The following ACAT2 variants were observed in gnomAD, a reference collection of about 807,000 sequenced individuals.
The protein encoded by ACAT2 is acetyl-CoA acetyltransferase 2, also known as acetyl-CoA acetyltransferase, cytosolic.
ACAT2 carries 26 observed loss-of-function variants against 37.1 expected under a neutral mutation model. That is an observed-to-expected ratio of 0.70 (90% CI 0.51 to 0.97). The LOEUF (loss-of-function observed/expected upper bound fraction) is 0.97. Among genes scored for constraint, ACAT2 ranks in the 50% least tolerant of loss-of-function variants. The pLI is 0.00. For synonymous variants in ACAT2, 156 were observed against 163.6 expected (o/e 0.95, Z 0.35); for missense variants, 468 against 489.0 (o/e 0.96, Z 0.40).
At chr6:159,768,218 G>A (rs1209526520) in intron 3 of ACAT2, among the ~76,000 whole-genome samples, 1 of 152,098 alleles carries the variant, frequency 6.6e-6, no homozygotes, top group Non-Finnish European at 1.5e-5. Context: ...TAATTGCCTC[G>A]ATGGAAAGAA....
At chr6:159,764,634 G>A (rs1175529861) in intron 2 of ACAT2, among the ~76,000 whole-genome samples, 2 of 152,190 alleles carry the variant, frequency 1.3e-5, no homozygotes, top group South Asian at 2.1e-4. Flanking sequence ...TTTTGTAGAA[G>A]TGGAGTCTGT....
Position 159,778,666 on chromosome 6 carries a change from T to C in ACAT2, c.1031T>C (p.Ile344Thr). The C allele has an allele frequency of 1.2e-6, 2 of 1,613,900 alleles. No individual in the cohort carries two copies. The highest frequency in any genetic ancestry group is 1.7e-6 in the Non-Finnish European group (2 of 1,179,930). ...TCTTTTCTCCCCCGTTAGGTCAATA[T>C]TGAAGGAGGGGCTATAGCCTTGGGC... is the stretch of plus-strand genomic sequence containing the variant. The part of the protein sequence containing the change: ...ELGLNPEKVN[I>T]EGGAIALGHP... The change falls in exon 9 of 9, where the codon ATT (isoleucine) becomes ACT (threonine). Residue 344 changes from isoleucine to threonine, a missense_variant. Physicochemically the swap from Ile to Thr is moderately conservative, Grantham distance 89. Transcript: ENST00000367048.
intron 4 of ACAT2, 31 bp downstream of exon 4, chr6:159,768,659 C>T (rs1358372077): frequency 4.0e-6 from 6 of 1,507,454 alleles, no homozygotes; most frequent in Non-Finnish European, 5.5e-6. Flanking sequence ...ACTGTATTAG[C>T]TTTAAAAAGG....
chr6:159,763,877 G>A (rs1049040031), intron 2 of ACAT2, among the ~76,000 whole-genome samples: 20 of 151,836 alleles, frequency 1.3e-4, no homozygotes, highest in Non-Finnish European at 2.1e-4. Flanking sequence ...CGAGGTGGGC[G>A]GATCATGAGG....
intron 1 of ACAT2, chr6:159,762,459 C>T: frequency 1.5e-6 from 2 of 1,335,578 alleles, no homozygotes; most frequent in South Asian, 3.1e-5. Context: ...CCTGATTGGC[C>T]GGCTCCGGGA....
At chr6:159,774,906 G>A (rs1354799768) in intron 4 of ACAT2, among the ~76,000 whole-genome samples, 1 of 152,162 alleles carries the variant, frequency 6.6e-6, no homozygotes, top group East Asian at 1.9e-4. Flanking sequence ...AATATAAATG[G>A]TGACTCTGGG....
intron 3 of ACAT2, among the ~76,000 whole-genome samples, chr6:159,768,128 A>C (rs1201900533): frequency 6.6e-6 from 1 of 152,214 alleles, no homozygotes; most frequent in Non-Finnish European, 1.5e-5. Flanking sequence ...CACTGTAGAC[A>C]TTATGTCATC....
intron 7 of ACAT2, 103 bp from the exon 8 acceptor site, chr6:159,778,067 A>G (rs1562480482): frequency 1.4e-6 from 1 of 726,398 alleles, no homozygotes; most frequent in Non-Finnish European, 2.2e-6. Context: ...CCAAAGTAGC[A>G]GTTACCAGTA....
intron 3 of ACAT2, 100 bp from the exon 4 acceptor site, chr6:159,768,411 T>G: frequency 1.1e-6 from 1 of 883,630 alleles, no homozygotes; most frequent in South Asian, 1.5e-5. Context: ...CAAAGGGGCC[T>G]AGATGAAGAC....
At chr6:159,766,903 A>G (rs1780263790) in intron 2 of ACAT2, 102 bp from the exon 3 acceptor site, 1 of 1,419,376 alleles carries the variant, frequency 7.0e-7, no homozygotes, top group Non-Finnish European at 9.8e-7. Flanking sequence ...GTAGGCTTTC[A>G]GAAGTGGCAG....
rs192886228 is a variant in ACAT2 at position 159,772,887 on chromosome 6, G to T, written c.491-2283G>T. 3.4e-3 allele frequency among the ~76,000 whole-genome samples: 515 copies of T among 151,506 alleles called. 5 individuals carry two copies. Among genetic ancestry groups the T allele is most frequent in the Non-Finnish European group, 5.2e-3 (352 of 67,810 alleles). Reference sequence around the variant, plus strand: ...GAAAGCAAAGCAATAACTTTTTTGTGTGTGTGTGTGGAGACGGGTCTCACT... The same window carrying T: ...GAAAGCAAAGCAATAACTTTTTTGTTTGTGTGTGTGGAGACGGGTCTCACT... On this transcript the variant is annotated intron_variant, in intron 4 of 8. Coordinates refer to ENST00000367048, the MANE Select transcript of ACAT2 (RefSeq NM_005891.3).
Position 159,778,710 on chromosome 6 carries a change from G to A in ACAT2, c.1075G>A (p.Gly359Ser). Residue 359 changes from glycine (G) to serine (S), a missense_variant, in exon 9 of 9, where the codon GGC (glycine) becomes AGC (serine). Physicochemically the swap from Gly to Ser is moderately conservative, Grantham distance 56. Coordinates refer to ENST00000367048, the MANE Select transcript of ACAT2 (RefSeq NM_005891.3). ...CTTGGGCCACCCTCTTGGAGCATCT[G>A]GCTGTCGAATTCTTGTGACCCTGTT... ...IALGHPLGAS[G>S]CRILVTLLHT... 1 of 1,614,250 alleles carries A rather than the reference G, an allele frequency of 6.2e-7. No homozygotes were observed. Among genetic ancestry groups the A allele is most frequent in the Admixed American group, 1.7e-5 (1 of 60,034 alleles).
chr6:159,762,523 C>A (rs1031666757), intron 1 of ACAT2: 5 of 1,301,586 alleles, frequency 3.8e-6, no homozygotes, highest in Non-Finnish European at 3.9e-6. Context: ...GGTCTGAGCC[C>A]GGCTTTGGGC....
At chr6:159,768,943 G>A (rs1044519213) in intron 4 of ACAT2, among the ~76,000 whole-genome samples, 1 of 152,084 alleles carries the variant, frequency 6.6e-6, no homozygotes, top group African/African-American at 2.4e-5. Flanking sequence ...TGTTTTTTTG[G>A]TACCTAGCTG....
chr6:159,765,858 A>G (rs945788247), intron 2 of ACAT2, among the ~76,000 whole-genome samples: 2 of 152,196 alleles, frequency 1.3e-5, no homozygotes, highest in African/African-American at 4.8e-5. Context: ...ATTGTGATGA[A>G]TATAATCTCT....
rs1780502341 is a variant in ACAT2, at chr6:159,778,931, C to T, written c.*102C>T. ...ACCAAAGTACAGATGGAAACCATTT[C>T]CTACATCACAAAAACCCAAGTTTAC... On this transcript the variant is annotated 3_prime_UTR_variant, in exon 9 of 9. Transcript: ENST00000367048. 4.5e-6 allele frequency: 7 copies of T among 1,564,774 alleles called. No individual in the cohort carries two copies. The Admixed American group carries it at 9.1e-5, about 20-fold the overall frequency.
At chr6:159,762,760 C>G in intron 1 of ACAT2, 159 bp from the exon 2 acceptor site, 1 of 1,582,886 alleles carries the variant, frequency 6.3e-7, no homozygotes, top group Admixed American at 1.7e-5. Flanking sequence ...CCACCTTGAC[C>G]TTTGCTCAGA....
At position 159,767,012 on chromosome 6, in the gene ACAT2, G is replaced by A. The variant is rs752782271; in HGVS notation, c.198G>A (p.Gly66=). The change falls in exon 3 of 9, where the codon GGG becomes GGA. Residue 66 remains glycine, a synonymous_variant. Coordinates refer to ENST00000367048, the MANE Select transcript of ACAT2 (RefSeq NM_005891.3). ...CTGTGTTCCTCTTTCTAGGCTGTGG[G>A]CAGAATCCTGTTAGACAAGCCAGTG... is the stretch of plus-strand genomic sequence containing the variant. The part of the protein sequence containing the change: ...IFGHVLAAGC[G]QNPVRQASVG... The A allele has an allele frequency of 1.2e-6, 2 of 1,613,962 alleles. No homozygotes were observed. The highest frequency in any genetic ancestry group is 2.2e-5 in the East Asian group (1 of 44,886).
intron 4 of ACAT2, among the ~76,000 whole-genome samples, chr6:159,774,493 G>A (rs543805221): frequency 6.6e-6 from 1 of 152,316 alleles, no homozygotes; most frequent in South Asian, 2.1e-4. Flanking sequence ...AGGCTGGAGT[G>A]CAGAGGCACA....
Sources: allele counts gnomAD v4.1 joint callset (sites outside exome capture counted in the v4.1 genomes callset), GRCh38; gene constraint gnomAD v4.1.1; transcripts MANE v1.5; gene names NCBI Gene and HGNC (gene_info 2026-07-23, HGNC 2026-07-21).